Variants in TACC1 observed in about 807,000 individuals in gnomAD.
TACC1 encodes the protein transforming acidic coiled-coil-containing protein 1.
In TACC1, 48 loss-of-function variants were observed where a neutral mutation model predicts 84.4. The observed-to-expected ratio is 0.57, with a 90% confidence interval of 0.45 to 0.72. TACC1 has a LOEUF of 0.72. Ranked by LOEUF, TACC1 falls within the 30% of genes least tolerant of loss-of-function variation. TACC1 has a pLI of 0.00. For missense variants in TACC1, 920 were observed against 973.0 expected (o/e 0.95, Z 0.72); for synonymous variants, 372 against 376.3 (o/e 0.99, Z 0.13).
chr8:38,782,785 T>G (rs1486464230), upstream of TACC1, among the ~76,000 whole-genome samples: 1 of 152,236 alleles, frequency 6.6e-6, no homozygotes, highest in Admixed American at 6.5e-5. Flanking sequence ...GCTTTGTGTT[T>G]GTTTTTGGTT....
At chr8:38,833,886 T>G (rs947976178) in intron 6 of TACC1, among the ~76,000 whole-genome samples, 15 of 152,316 alleles carry the variant, frequency 9.8e-5, no homozygotes, top group Non-Finnish European at 1.8e-4. Context: ...ATGTTGTTAA[T>G]TTAGAATCAG....
At chr8:38,799,658 T>C (rs1323767989) in intron 2 of TACC1, 1 of 152,244 alleles carries the variant, frequency 6.6e-6, no homozygotes, top group Non-Finnish European at 1.5e-5. Context: ...TTGACAATTA[T>C]AACTCTAGGA....
In TACC1 at chr8:38,840,275, G is replaced by A; in HGVS notation, c.1960+8G>A. 1.9e-6 allele frequency: 3 copies of A among 1,612,334 alleles called. No homozygotes were observed. The highest frequency in any genetic ancestry group is 2.5e-6 in the Non-Finnish European group (3 of 1,178,690). ...CTATTGCTCAAATGATTGGTAAGGA[G>A]AACATTTTGTTTTTTGAGGGTATGA... On this transcript the variant is annotated splice_region_variant and intron_variant, in intron 9 of 12. Transcript: ENST00000317827.
intron 5 of TACC1, 163 bp downstream of exon 5, chr8:38,827,538 CAA>C: frequency 1.4e-6 from 1 of 689,902 alleles, no homozygotes; most frequent in Non-Finnish European, 2.4e-6. Context: ...AAAAGGGACA[CAA>C]AGTGCTTATT....
chr8:38,796,671 G>C (rs1372590811), intron 2 of TACC1, among the ~76,000 whole-genome samples: 1 of 152,214 alleles, frequency 6.6e-6, no homozygotes, highest in Non-Finnish European at 1.5e-5. Flanking sequence ...CCTAGCTTCA[G>C]CTCATCAGTG....
intron 1 of TACC1, among the ~76,000 whole-genome samples, chr8:38,740,239 G>T (rs1259308028): frequency 6.6e-6 from 1 of 152,142 alleles, no homozygotes; most frequent in African/African-American, 2.4e-5. Flanking sequence ...GATCCCATTG[G>T]CTGCCTTCAG....
intron 3 of TACC1, among the ~76,000 whole-genome samples, chr8:38,766,979 G>GA (rs1222855806): frequency 1.3e-5 from 2 of 152,200 alleles, no homozygotes; most frequent in Non-Finnish European, 2.9e-5. Context: ...AAATGTTTGA[G>GA]AAAACATCGC....
intron 3 of TACC1, among the ~76,000 whole-genome samples, chr8:38,751,899 C>T (rs995950385): frequency 2.6e-5 from 4 of 152,128 alleles, no homozygotes; most frequent in African/African-American, 9.7e-5. Context: ...AAATCTAAAG[C>T]ACTTAGAACA....
intron 1 of TACC1, among the ~76,000 whole-genome samples, chr8:38,732,155 AGAAAG>A (rs1302076157): frequency 2.9e-5 from 4 of 137,026 alleles, no homozygotes; most frequent in Admixed American, 7.2e-5. Flanking sequence ...AAAGAAAAGA[AGAAAG>A]GAAGGAAGGA....
At chr8:38,788,880 TG>T (rs1307834811) in intron 2 of TACC1, 61 bp downstream of exon 2, 1 of 1,349,766 alleles carries the variant, frequency 7.4e-7, no homozygotes, top group East Asian at 2.4e-5. Flanking sequence ...AAAATATCAA[TG>T]AAGGAAGGAA....
intron 3 of TACC1, among the ~76,000 whole-genome samples, chr8:38,767,982 C>T (rs1056754231): frequency 3.9e-5 from 6 of 151,902 alleles, no homozygotes; most frequent in African/African-American, 1.5e-4. Context: ...GCGGGAGGAT[C>T]TCTTGAGCCC....
intron 3 of TACC1, among the ~76,000 whole-genome samples, chr8:38,770,342 T>C (rs2151882963): frequency 6.6e-6 from 1 of 152,240 alleles, no homozygotes; most frequent in Non-Finnish European, 1.5e-5. Context: ...TCCTGCCTTC[T>C]GAACAATCTC....
At chr8:38,774,845 T>C (rs1373327303) in intron 3 of TACC1, among the ~76,000 whole-genome samples, 1 of 151,970 alleles carries the variant, frequency 6.6e-6, no homozygotes, top group African/African-American at 2.4e-5. Flanking sequence ...ACCCCCTCTC[T>C]ACTAAAAATA....
intron 2 of TACC1, among the ~76,000 whole-genome samples, chr8:38,801,924 T>C (rs1821458492): frequency 6.6e-6 from 1 of 152,236 alleles, no homozygotes; most frequent in Admixed American, 6.5e-5. Flanking sequence ...GTTGTTTGTT[T>C]GTTTTTTGAG....
intron 3 of TACC1, among the ~76,000 whole-genome samples, chr8:38,769,683 G>A (rs1234037736): frequency 1.4e-5 from 2 of 147,148 alleles, no homozygotes; most frequent in Non-Finnish European, 3.0e-5. Context: ...ATGGGTGAGG[G>A]TGTGTGGTGT....
rs1828335376 is a variant in TACC1, at chr8:38,827,374, A to G, written c.1659A>G (p.Ala553=). ...ATCATGCGTTTTCATCCTCAGAAGC[A>G]GGTATGGAAGCATATCTTCATCTTT... ...TINHAFSSSE[A]GIEKETCQKM... The change falls in exon 5 of 13, where the codon GCA becomes GCG. Residue 553 remains alanine (A), a splice_region_variant and synonymous_variant. Coordinates refer to ENST00000317827, the MANE Select transcript of TACC1 (RefSeq NM_006283.3). 1 of 1,613,988 alleles carries G rather than the reference A, an allele frequency of 6.2e-7. No homozygotes were observed. The highest frequency in any genetic ancestry group is 1.1e-5 in the South Asian group (1 of 91,084).
At chr8:38,770,723 A>G (rs73611043) in intron 3 of TACC1, among the ~76,000 whole-genome samples, 30,210 of 151,118 alleles carry the variant, frequency 0.2, 3,556 homozygotes, top group Non-Finnish European at 0.27. Context: ...ATTTGGGGGG[A>G]AAAAAAAGCC....
intron 1 of TACC1, among the ~76,000 whole-genome samples, chr8:38,738,775 C>T (rs1287717804): frequency 1.3e-5 from 2 of 151,990 alleles, no homozygotes; most frequent in Non-Finnish European, 2.9e-5. Flanking sequence ...TGGTTCCTTT[C>T]GTTGGTGCAT....
At chr8:38,815,960 TAAA>T (rs74872955) in intron 2 of TACC1, among the ~76,000 whole-genome samples, 1 of 128,968 alleles carries the variant, frequency 7.8e-6, no homozygotes, top group African/African-American at 2.9e-5. Flanking sequence ...AGACCATGTT[TAAA>T]AAAAAAAAAA....
Sources: allele counts gnomAD v4.1 joint callset (sites outside exome capture counted in the v4.1 genomes callset), GRCh38; gene constraint gnomAD v4.1.1; transcripts MANE v1.5; gene names NCBI Gene and HGNC (gene_info 2026-07-23, HGNC 2026-07-21).